Variants in DNHD1 observed in about 807,000 individuals in gnomAD.
DNHD1 encodes dynein heavy chain domain 1, also known as dynein heavy chain domain-containing protein 1.
Under a neutral mutation model 458.1 loss-of-function variants are expected in DNHD1, and 383 were observed. The ratio of observed to expected loss-of-function variants is 0.84; its 90% CI spans 0.77 to 0.91. DNHD1 has a LOEUF of 0.91. Among genes scored for constraint, DNHD1 ranks in the 40% least tolerant of loss-of-function variants. DNHD1 has a pLI of 0.00. For synonymous variants in DNHD1, 2,203 were observed against 2,376.9 expected, an observed-to-expected ratio of 0.93 and a Z score of 2.13; for missense variants, 5,336 against 5,866.1, an observed-to-expected ratio of 0.91 and a Z score of 2.95.
rs77615924 is a variant in DNHD1, at chr11:6,509,045, A to T, written c.1086A>T (p.Pro362=). Residue 362 remains proline, a synonymous_variant, in exon 5 of 43, where the codon CCA becomes CCT. Transcript: ENST00000254579. ...TCTGGCAGCAGCTCCAGTTCATTCC[A>T]TTCTTTAAGTATTGCCTCTTACGCA... ...CVLWQQLQFI[P]FFKYCLLRKS... 1 of 1,614,040 alleles carries T rather than the reference A, an allele frequency of 6.2e-7. No homozygotes were observed. Among genetic ancestry groups the T allele is most frequent in the African/African-American group, 1.3e-5 (1 of 74,904 alleles).
Position 6,546,381 on chromosome 11 carries a change from G to A in DNHD1, c.5442G>A (p.Val1814=). ...LLVLRALSSA[V]PANLHLLLRP... ...TACTGCGTGCCCTGAGCTCTGCTGT[G>A]CCTGCCAACCTGCACCTGCTGCTGC... The change falls in exon 21 of 43, where the codon GTG becomes GTA. Residue 1814 remains valine, a synonymous_variant. Coordinates refer to ENST00000254579, the MANE Select transcript of DNHD1 (RefSeq NM_144666.3). The A allele has an allele frequency of 6.4e-7, 1 of 1,552,108 alleles. No homozygotes were observed. Among genetic ancestry groups the A allele is most frequent in the Non-Finnish European group, 8.7e-7 (1 of 1,147,076 alleles).
At chr11:6,551,367 T>G (rs1853341166) in intron 24 of DNHD1, among the ~76,000 whole-genome samples, 1 of 152,146 alleles carries the variant, frequency 6.6e-6, no homozygotes, top group Admixed American at 6.5e-5. Flanking sequence ...GAGAAAAGCT[T>G]GGAATCAATG....
In DNHD1 at chr11:6,564,737, C is replaced by T; in HGVS notation, c.10689C>T (p.Leu3563=). 1.3e-6 allele frequency: 2 copies of T among 1,549,028 alleles called. No individual in the cohort carries two copies. The highest frequency in any genetic ancestry group is 8.7e-7 in the Non-Finnish European group (1 of 1,144,920). ...TGCTTGACCCCAGCAACGAGGCCCT[C>T]ATCTGGTTGGACCCGCTGCCTCTGG... ...PLLLDPSNEA[L]IWLDPLPLEE... Residue 3563 remains leucine (L), a synonymous_variant, in exon 32 of 43, where the codon CTC becomes CTT. Coordinates refer to ENST00000254579, the MANE Select transcript of DNHD1 (RefSeq NM_144666.3).
chr11:6,498,699 T>A lies in DNHD1; in HGVS notation c.484T>A (p.Cys162Ser), dbSNP rs1564992376. The A allele has an allele frequency of 4.3e-6, 7 of 1,614,220 alleles. No homozygotes were observed. The highest frequency in any genetic ancestry group is 5.9e-6 in the Non-Finnish European group (7 of 1,180,024). Residue 162 changes from cysteine to serine, a missense_variant, in exon 3 of 43, where the codon TGC (cysteine) becomes AGC (serine). Cys to Ser is a moderately radical substitution (Grantham distance 112). Coordinates refer to ENST00000254579, the MANE Select transcript of DNHD1 (RefSeq NM_144666.3). The part of the protein sequence containing the change: ...QKRRLHHRPP[C>S]PACPFVQAQW... ...GCGGAGGCTCCATCACAGGCCCCCA[T>A]GCCCAGCTTGCCCTTTTGTGCAGGC...
chr11:6,531,212 C>T (rs1852822379), intron 12 of DNHD1, among the ~76,000 whole-genome samples: 1 of 152,160 alleles, frequency 6.6e-6, no homozygotes, highest in Admixed American at 6.5e-5. Flanking sequence ...TGTCGTTTCT[C>T]TTCTTCCTGA....
chr11:6,511,310 C>T lies in DNHD1; in HGVS notation c.1273C>T (p.Gln425Ter). ...GCTACACTCTGTGTCCTGGCTACCC[C>T]AGGAACTGGATCGGTGCTATGAGCT... ...QELHSVSWLPQELDRCYELLD... is the reference protein window; with the variant it reads ...QELHSVSWLP The change falls in exon 7 of 43, where the codon CAG (glutamine) becomes TAG (stop). Residue 425 changes from glutamine to a stop codon, truncating the protein, a stop_gained. Transcript: ENST00000254579. LOFTEE classifies it high-confidence loss of function. 1 of 1,614,214 alleles carries T rather than the reference C, an allele frequency of 6.2e-7. No homozygotes were observed. The highest frequency in any genetic ancestry group is 8.5e-7 in the Non-Finnish European group (1 of 1,180,034).
chr11:6,564,154 C>A (rs1360505286), intron 31 of DNHD1, 30 bp downstream of exon 31: 31 of 1,541,954 alleles, frequency 2.0e-5, no homozygotes, highest in Non-Finnish European at 2.5e-5. Flanking sequence ...ATGTCTCCCC[C>A]AAAGTTCCTT....
At chr11:6,537,343 TTC>T (rs1489645309) in intron 14 of DNHD1, among the ~76,000 whole-genome samples, 2 of 152,172 alleles carry the variant, frequency 1.3e-5, no homozygotes, top group Non-Finnish European at 2.9e-5. Context: ...GGGCTGACAG[TTC>T]ATTCGCTCAT....
rs547521727 is a variant in DNHD1 at position 6,548,814 on chromosome 11, G to A, written c.7268G>A (p.Arg2423His). The A allele has an allele frequency of 4.5e-6, 7 of 1,551,574 alleles. No homozygotes were observed. Among genetic ancestry groups the A allele is most frequent in the East Asian group, 2.4e-5 (1 of 40,908 alleles). Residue 2423 changes from arginine to histidine, a missense_variant, in exon 24 of 43, where the codon CGT (arginine) becomes CAT (histidine). Arg to His is a conservative substitution (Grantham distance 29, BLOSUM62 0). Around this residue, in one of 4 missense-constraint regions of DNHD1, gnomAD observed 3,932 missense variants for 4,365.6 expected, o/e 0.90. Transcript: ENST00000254579. This position sits in a 1 kb window ranked among gnomAD's most constrained non-coding sequence, Gnocchi z 4.4. ...CCTGCCTTCAGTTCCTCCCACCTCCGTCTCCTGCTGAGCAGAGGAATCCAG... is the reference window on the plus strand; with the variant it reads ...CCTGCCTTCAGTTCCTCCCACCTCCATCTCCTGCTGAGCAGAGGAATCCAG... ...IHPAFSSSHL[R>H]LLLSRGIQGQ...
chr11:6,514,629 T>C (rs1852419270), intron 7 of DNHD1, among the ~76,000 whole-genome samples: 1 of 151,794 alleles, frequency 6.6e-6, no homozygotes, highest in Non-Finnish European at 1.5e-5. Flanking sequence ...CTTATTAGAA[T>C]TGTAAAGATA....
intron 10 of DNHD1, 151 bp from the exon 11 acceptor site, chr11:6,528,371 T>C (rs1852753637): frequency 1.1e-6 from 1 of 914,746 alleles, no homozygotes. Flanking sequence ...GTGATATAGA[T>C]GTATGTGTTA....
chr11:6,539,412 G>A, intron 17 of DNHD1, 99 bp downstream of exon 17: 1 of 934,946 alleles, frequency 1.1e-6, no homozygotes, highest in East Asian at 2.6e-5. Flanking sequence ...GATTTAATGT[G>A]GGGTTGAGCC....
intron 13 of DNHD1, 88 bp downstream of exon 13, chr11:6,533,272 C>T (rs977125128): frequency 1.7e-5 from 22 of 1,314,124 alleles, no homozygotes; most frequent in Admixed American, 2.2e-5. Flanking sequence ...CTCTGCTGAG[C>T]CCCCAGCAGA....
rs752136896 is a variant in DNHD1 at position 6,567,705 on chromosome 11, C to T, written c.12196C>T (p.Arg4066Trp). The T allele has an allele frequency of 2.5e-5, 41 of 1,613,780 alleles. No individual in the cohort carries two copies. The South Asian group carries it at 3.1e-4, about 12-fold the overall frequency. ...AGACTTCACCACTAGCCTCCTGGGTCGGCCCCTGGATGAAAACACGTATGC... is the reference window on the plus strand; with the variant it reads ...AGACTTCACCACTAGCCTCCTGGGTTGGCCCCTGGATGAAAACACGTATGC... ...LADFTTSLLG[R>W]PLDENTYAPT... is the part of the protein sequence containing the mutation. Residue 4066 changes from arginine (R) to tryptophan (W), a missense_variant, in exon 36 of 43, where the codon CGG becomes TGG. Physicochemically the swap from Arg to Trp is moderately radical, Grantham distance 101 (BLOSUM62 -3). This residue lies in a region of DNHD1 where 695 missense variants were observed against 804.2 expected (regional missense o/e 0.86). Coordinates refer to ENST00000254579, the MANE Select transcript of DNHD1 (RefSeq NM_144666.3).
chr11:6,519,296 A>T (rs1852553646), intron 7 of DNHD1, among the ~76,000 whole-genome samples: 1 of 152,134 alleles, frequency 6.6e-6, no homozygotes, highest in African/African-American at 2.4e-5. Context: ...GTGCATTGTG[A>T]ACCTCTATAT....
chr11:6,551,792 T>C (rs925925038), intron 24 of DNHD1, among the ~76,000 whole-genome samples: 2 of 151,902 alleles, frequency 1.3e-5, no homozygotes, highest in African/African-American at 4.8e-5. Context: ...AATGCAAAAA[T>C]TAGCTGGGCA....
intron 15 of DNHD1, 22 bp downstream of exon 15, chr11:6,538,532 G>C: frequency 1.3e-6 from 2 of 1,551,758 alleles, no homozygotes; most frequent in Non-Finnish European, 1.7e-6. Flanking sequence ...CTTCCTTGGA[G>C]CTCTTGACTG....
chr11:6,544,075 C>CG lies in DNHD1; in HGVS notation c.3629-44dup, dbSNP rs950481101. On this transcript the variant is annotated intron_variant, in intron 18 of 42. Coordinates refer to ENST00000254579, the MANE Select transcript of DNHD1 (RefSeq NM_144666.3). ...GGTCTCCTCTTCTCTCCCCCAGCCC[C>CG]GGCCCTTGCCTCATCTGACTGCCAG... 8 of 1,549,296 alleles carry CG rather than the reference C, an allele frequency of 5.2e-6. No individual in the cohort carries two copies. In the Admixed American group the frequency reaches 1.6e-4, roughly 30 times the overall value.
rs879333318 is a variant in DNHD1 at position 6,568,080 on chromosome 11, GC to G, written c.12379del (p.Leu4127TrpfsTer33). The G allele has an allele frequency of 1.3e-6, 2 of 1,577,530 alleles. No individual in the cohort carries two copies. The highest frequency in any genetic ancestry group is 1.7e-6 in the Non-Finnish European group (2 of 1,160,754). The part of the protein sequence containing the change: ...QQGQKQLQVI[A>X]LGSEAWDPVS... ...GGGGCAGAAGCAACTGCAGGTGATA[GC>G]CCTGGGCTCTGAAGCCTGGGACCCA... is the stretch of plus-strand genomic sequence containing the variant. On this transcript the variant is annotated frameshift_variant, in exon 37 of 43. Transcript: ENST00000254579. LOFTEE classifies it high-confidence loss of function.
Sources: gnomAD v4.1 joint callset for allele counts (sites outside exome capture counted in the v4.1 genomes callset) on GRCh38, gnomAD v4.1.1 for gene constraint, gnomAD v4.1.1 regional missense constraint, Gnocchi (gnomAD v3.1) non-coding constraint, MANE v1.5 for transcripts, NCBI Gene and HGNC (gene_info 2026-07-23, HGNC 2026-07-21) for gene names.